COX18: variants seen among roughly 807,000 people sequenced by gnomAD.
COX18 encodes cytochrome c oxidase assembly protein COX18, mitochondrial.
Under a neutral mutation model 38.0 loss-of-function variants are expected in COX18, and 45 were observed. That is an observed-to-expected ratio of 1.18 (90% CI 0.93 to 1.52). The LOEUF (loss-of-function observed/expected upper bound fraction) is 1.52, where lower values mean the gene tolerates loss of function less well. Ranked by LOEUF, COX18 falls within the 40% of genes most tolerant of loss-of-function variation. COX18 has a pLI of 0.00. For synonymous variants in COX18, 177 were observed against 169.8 expected, an observed-to-expected ratio of 1.04 and a Z score of -0.33; for missense variants, 462 against 423.8, an observed-to-expected ratio of 1.09 and a Z score of -0.79.
At chr4:73,065,725 A>T (rs756946339) in intron 2 of COX18, among the ~76,000 whole-genome samples, 11 of 152,250 alleles carry the variant, frequency 7.2e-5, no homozygotes, top group Non-Finnish European at 1.6e-4. Flanking sequence ...TATAACTACA[A>T]TTAATATTGG....
intron 5 of COX18, 150 bp downstream of exon 5, chr4:73,061,663 G>A (rs528482310): frequency 2.7e-5 from 15 of 558,106 alleles, no homozygotes; most frequent in Admixed American, 6.9e-5. Context: ...AGCCGAGATC[G>A]CGCCACTGCA....
At position 73,061,314 on chromosome 4, in the gene COX18, G is replaced by A. The variant is rs559336505; in HGVS notation, c.831+499C>T. On this transcript the variant is annotated intron_variant, in intron 5 of 5. Transcript: ENST00000507544. ...ATATTCATGGTATTATGCAAAACACGTTGCAAAATTTAAAAAAAGGCAAGA... is the reference window on the plus strand; with the variant it reads ...ATATTCATGGTATTATGCAAAACACATTGCAAAATTTAAAAAAAGGCAAGA... Among the ~76,000 whole-genome samples the A allele has an allele frequency of 8.7e-4, 133 of 152,158 alleles. 1 individual carries two copies. The highest frequency in any genetic ancestry group is 3.7e-3 in the South Asian group (18 of 4,824).
At chr4:73,067,295 A>G (rs1397648725) in intron 2 of COX18, among the ~76,000 whole-genome samples, 1 of 152,240 alleles carries the variant, frequency 6.6e-6, no homozygotes, top group African/African-American at 2.4e-5. Context: ...GTTGACCAAT[A>G]TCACAAAAGA....
In COX18 at chr4:73,058,296, A is replaced by G; in HGVS notation, c.832-9T>C. 1 of 1,586,032 alleles carries G rather than the reference A, an allele frequency of 6.3e-7. No individual in the cohort carries two copies. Among genetic ancestry groups the G allele is most frequent in the Non-Finnish European group, 8.6e-7 (1 of 1,163,792 alleles). ...CAGTAGAGAACAATTGACTATAAAG[A>G]GAAGACATAAATGTTAGCATCTGTA... On this transcript the variant is annotated splice_polypyrimidine_tract_variant and intron_variant, in intron 5 of 5. Transcript: ENST00000507544.
rs1447576844 is a variant in COX18 at position 73,058,128 on chromosome 4, T to C, written c.991A>G (p.Ile331Val). 1.3e-6 allele frequency: 2 copies of C among 1,582,482 alleles called. No homozygotes were observed. The highest frequency in any genetic ancestry group is 1.7e-6 in the Non-Finnish European group (2 of 1,163,020). Residue 331 changes from isoleucine (I) to valine (V), a missense_variant, in exon 6 of 6, where the codon ATT becomes GTT. Physicochemically the swap from Ile to Val is conservative, Grantham distance 29. Transcript: ENST00000507544. ...TGGAAAATATGTCATTTTCTTGAAA[T>C]GAACTTGGTATTAAAGGCAGCAAAT... ...DIFAAFNTKF[I>V]SRK
rs890898340 is a variant in COX18 at position 73,057,908 on chromosome 4, G to A, written c.*206C>T. The A allele has an allele frequency of 1.0e-5, 3 of 293,792 alleles. No homozygotes were observed. The highest frequency in any genetic ancestry group is 2.2e-5 in the African/African-American group (1 of 45,444). The allele number at this position is 293,792 out of a possible 1,614,324, so 18.2% of individuals were successfully genotyped here. On this transcript the variant is annotated 3_prime_UTR_variant, in exon 6 of 6. Coordinates refer to ENST00000507544, the MANE Select transcript of COX18 (RefSeq NM_001297732.2). ...GCTGGTCTCAAACTCCAGACCTCAG[G>A]TGATCCACCCACCTCGACCTCCCAA... is the stretch of plus-strand genomic sequence containing the variant.
chr4:73,064,745 A>C, intron 4 of COX18, 33 bp downstream of exon 4: 2 of 1,605,668 alleles, frequency 1.2e-6, no homozygotes, highest in Non-Finnish European at 1.7e-6. Context: ...AATCCCCATA[A>C]ATGGCAAACA....
intron 4 of COX18, among the ~76,000 whole-genome samples, chr4:73,064,573 T>A (rs1720334321): frequency 6.6e-6 from 1 of 152,190 alleles, no homozygotes; most frequent in African/African-American, 2.4e-5. Context: ...TACTAGTGCT[T>A]TTACTTTAAT....
intron 2 of COX18, among the ~76,000 whole-genome samples, chr4:73,066,613 T>G (rs761556839): frequency 1.3e-5 from 2 of 152,224 alleles, no homozygotes; most frequent in Non-Finnish European, 2.9e-5. Context: ...TAAGGCTGTA[T>G]CTGCACAACC....
rs1039895324 is a variant in COX18 at position 73,067,288 on chromosome 4, G to A, written c.434+741C>T. Among the ~76,000 whole-genome samples the A allele has an allele frequency of 2.0e-5, 3 of 152,226 alleles. No individual in the cohort carries two copies. The East Asian group carries it at 5.8e-4, about 29-fold the overall frequency. ...TTGTAAATAACCTGTGTCATTTGTT[G>A]ACCAATATCACAAAAGAATGGCAAA... is the stretch of plus-strand genomic sequence containing the variant. On this transcript the variant is annotated intron_variant, in intron 2 of 5. Transcript: ENST00000507544.
rs900991040 is a variant in COX18, at chr4:73,052,578, T to C, written c.*5536A>G. The C allele has an allele frequency of 6.6e-6, 1 of 152,072 alleles. No homozygotes were observed. The highest frequency in any genetic ancestry group is 2.4e-5 in the African/African-American group (1 of 41,410). 9.4% of individuals were successfully genotyped at this position (152,072 alleles called of 1,614,324 possible). A position where few individuals can be genotyped will look rare whatever the true frequency, so the allele number is the denominator to read the frequency against. ...AAAAAGAAAACAGATAACTAGAAAATATCCATTATTACAAGTTTAAACAAC... is the reference window on the plus strand; with the variant it reads ...AAAAAGAAAACAGATAACTAGAAAACATCCATTATTACAAGTTTAAACAAC... On this transcript the variant is annotated 3_prime_UTR_variant, in exon 6 of 6. Transcript: ENST00000507544.
intron 5 of COX18, among the ~76,000 whole-genome samples, chr4:73,060,538 C>T (rs1017550673): frequency 4.6e-5 from 7 of 151,984 alleles, no homozygotes; most frequent in African/African-American, 1.7e-4. Flanking sequence ...CAGTAACAGC[C>T]TAAAAAATAG....
chr4:73,068,236 GATC>G (rs1720570411), intron 1 of COX18, 107 bp from the exon 2 acceptor site: 2 of 675,870 alleles, frequency 3.0e-6, no homozygotes, highest in Non-Finnish European at 4.8e-6. Flanking sequence ...GTAGTTTACT[GATC>G]ATATCAAGAA....
At position 73,061,939 on chromosome 4, in the gene COX18, T is replaced by C. The variant is rs1441662249; in HGVS notation, c.724-19A>G. ...CACAAATCTGAAGGGGTAGAACATA[T>C]ACATGCATAATGATTATTAAAACGC... On this transcript the variant is annotated intron_variant, in intron 4 of 5. Coordinates refer to ENST00000507544, the MANE Select transcript of COX18 (RefSeq NM_001297732.2). 35 of 1,249,394 alleles carry C rather than the reference T, an allele frequency of 2.8e-5. No individual in the cohort carries two copies. The highest frequency in any genetic ancestry group is 3.9e-5 in the Non-Finnish European group (33 of 854,966). 77.4% of individuals were successfully genotyped at this position (1,249,394 alleles called of 1,614,324 possible). A position where few individuals can be genotyped will look rare whatever the true frequency, so the allele number is the denominator to read the frequency against.
In COX18 at chr4:73,055,878, T is replaced by A. The variant is rs1432600756; in HGVS notation, c.*2236A>T. The A allele has an allele frequency of 6.6e-6, 1 of 152,176 alleles. No homozygotes were observed. Among genetic ancestry groups the A allele is most frequent in the African/African-American group, 2.4e-5 (1 of 41,454 alleles). The allele number at this position is 152,176 out of a possible 1,614,324, so 9.4% of individuals were successfully genotyped here. A position where few individuals can be genotyped will look rare whatever the true frequency, so the allele number is the denominator to read the frequency against. ...TGGTTGGAAAGCACAATTGCCCCAA[T>A]AGGACAGTCAGAAACCAGGACTAGG... On this transcript the variant is annotated 3_prime_UTR_variant, in exon 6 of 6. Transcript: ENST00000507544.
At chr4:73,060,298 C>G (rs1459897192) in intron 5 of COX18, among the ~76,000 whole-genome samples, 2 of 152,094 alleles carry the variant, frequency 1.3e-5, no homozygotes, top group Non-Finnish European at 2.9e-5. Flanking sequence ...CTTAACTGCT[C>G]GTATTTTATT....
At position 73,052,542 on chromosome 4, in the gene COX18, C is replaced by T. The variant is rs1445216648; in HGVS notation, c.*5572G>A. The T allele has an allele frequency of 6.6e-6, 1 of 151,900 alleles. No homozygotes were observed. Among genetic ancestry groups the T allele is most frequent in the Non-Finnish European group, 1.5e-5 (1 of 67,996 alleles). The allele number at this position is 151,900 out of a possible 1,614,324, so 9.4% of individuals were successfully genotyped here. ...CAAATGATTTCATAAAATACCATCA[C>T]AGTGTATGAAAAAAAGAAAACAGAT... On this transcript the variant is annotated 3_prime_UTR_variant, in exon 6 of 6. Transcript: ENST00000507544.
chr4:73,060,814 A>T (rs1332125361), intron 5 of COX18, among the ~76,000 whole-genome samples: 2 of 146,212 alleles, frequency 1.4e-5, no homozygotes, highest in African/African-American at 5.1e-5. Context: ...CAGGAGGAGG[A>T]GGTTGCAGTG....
At chr4:73,058,399 G>T in intron 5 of COX18, 112 bp from the exon 6 acceptor site, 1 of 710,776 alleles carries the variant, frequency 1.4e-6, no homozygotes, top group Non-Finnish European at 2.3e-6. Context: ...CCAAGACTAA[G>T]CAAGACTTGC....
Sources: allele counts gnomAD v4.1 joint callset (sites outside exome capture counted in the v4.1 genomes callset), GRCh38; gene constraint gnomAD v4.1.1; transcripts MANE v1.5; gene names NCBI Gene and HGNC (gene_info 2026-07-23, HGNC 2026-07-21).